Variants in ZNF273 observed in about 807,000 individuals in gnomAD.
ZNF273 encodes zinc finger protein 273.
ZNF273 carries 11 observed loss-of-function variants against 14.9 expected under a neutral mutation model. The ratio of observed to expected loss-of-function variants is 0.74; its 90% CI spans 0.46 to 1.22. ZNF273 has a LOEUF of 1.22. Ranked by LOEUF, ZNF273 falls within the 50% of genes most tolerant of loss-of-function variation. The pLI is 0.00. For synonymous variants in ZNF273, 199 were observed against 223.9 expected, an observed-to-expected ratio of 0.89 and a Z score of 0.99; for missense variants, 577 against 660.6, an observed-to-expected ratio of 0.87 and a Z score of 1.39.
At chr7:64,931,764 A>G (rs992391805), downstream of ZNF273, among the ~76,000 whole-genome samples, 4 of 152,160 alleles carry the variant, frequency 2.6e-5, no homozygotes, top group African/African-American at 4.8e-5. Context: ...CAGATGCTCC[A>G]TAGTAAGACA....
intron 3 of ZNF273, among the ~76,000 whole-genome samples, chr7:64,926,711 C>T (rs1313340622): frequency 2.6e-5 from 4 of 152,144 alleles, no homozygotes; most frequent in African/African-American, 9.7e-5. Flanking sequence ...ATCTTTATAA[C>T]GTATCTTTGT....
At chr7:64,898,786 CACA>C (rs1219752258), upstream of ZNF273, among the ~76,000 whole-genome samples, 2 of 152,148 alleles carry the variant, frequency 1.3e-5, no homozygotes, top group African/African-American at 2.4e-5. Context: ...GGAGGTGCAC[CACA>C]TTGCATGGAA....
At chr7:64,925,990 A>G (rs1320074861) in intron 3 of ZNF273, among the ~76,000 whole-genome samples, 1 of 152,102 alleles carries the variant, frequency 6.6e-6, no homozygotes, top group African/African-American at 2.4e-5. Context: ...GTTTTCTTGC[A>G]TCATGTTATT....
chr7:64,885,140 T>C (rs1791503193), intron 1 of ZNF273, among the ~76,000 whole-genome samples: 1 of 152,218 alleles, frequency 6.6e-6, no homozygotes, highest in Admixed American at 6.5e-5. Context: ...GTGTCGGCGT[T>C]GGACTCTTGC....
chr7:64,902,872 G>A (rs1792818329), upstream of ZNF273, among the ~76,000 whole-genome samples: 1 of 152,170 alleles, frequency 6.6e-6, no homozygotes, highest in Non-Finnish European at 1.5e-5. Context: ...TGAGCAGAGG[G>A]GTGACTTTGA....
intron 1 of ZNF273, among the ~76,000 whole-genome samples, chr7:64,909,835 G>T (rs1375174098): frequency 2.0e-5 from 3 of 150,222 alleles, no homozygotes; most frequent in Non-Finnish European, 3.0e-5. Context: ...TGCAAGCATC[G>T]TTTTTTTTTG....
chr7:64,888,785 T>C, exon 2 of ZNF273: 2 of 985,842 alleles, frequency 2.0e-6, no homozygotes, highest in South Asian at 9.4e-5. Flanking sequence ...GCCGACTCCA[T>C]GCTGCCGGGA....
chr7:64,901,666 A>G (rs1296954168), upstream of ZNF273, among the ~76,000 whole-genome samples: 1 of 152,120 alleles, frequency 6.6e-6, no homozygotes, highest in African/African-American at 2.4e-5. Context: ...TCCTCCTATG[A>G]TGTGTCTCTT....
downstream of ZNF273, among the ~76,000 whole-genome samples, chr7:64,931,511 TTA>T (rs1794992538): frequency 6.6e-6 from 1 of 152,196 alleles, no homozygotes; most frequent in Admixed American, 6.5e-5. Context: ...AATTTTACTA[TTA>T]GTCTATTAAG....
intron 1 of ZNF273, among the ~76,000 whole-genome samples, chr7:64,909,042 T>C (rs1055433319): frequency 2.0e-5 from 3 of 152,132 alleles, no homozygotes; most frequent in Non-Finnish European, 4.4e-5. Context: ...CCAAAGTAGC[T>C]GGGACTACAG....
chr7:64,910,966 G>C (rs1361020348), intron 1 of ZNF273, among the ~76,000 whole-genome samples: 2 of 151,408 alleles, frequency 1.3e-5, no homozygotes, highest in Non-Finnish European at 2.9e-5. Flanking sequence ...GGGTTTCGTC[G>C]TGTTGGCCAG....
At chr7:64,935,315 G>A (rs1302538088), downstream of ZNF273, among the ~76,000 whole-genome samples, 1 of 151,996 alleles carries the variant, frequency 6.6e-6, no homozygotes, top group Non-Finnish European at 1.5e-5. Flanking sequence ...AAGACTGATC[G>A]AAGTGGGCCT....
rs750737426 is a variant in ZNF273 at position 64,921,637 on chromosome 7, T to TTTTTTTTTTTTTTTG, written c.325+3345_325+3346insTTTTTTTTTTTTTTG. On this transcript the variant is annotated intron_variant, in intron 3 of 3. Transcript: ENST00000476120. The stretch of plus-strand genomic sequence containing the variant: ...TTTTTTTTTTTTTTTTTTTTTTTTT[T>TTTTTTTTTTTTTTTG]GTGTGTGAGACAGAGTCTTGCTCTC... Among the ~76,000 whole-genome samples, 17 of 29,578 alleles carry TTTTTTTTTTTTTTTG rather than the reference T, an allele frequency of 5.7e-4. 1 individual carries two copies. Among genetic ancestry groups the TTTTTTTTTTTTTTTG allele is most frequent in the African/African-American group, 2.6e-3 (17 of 6,418 alleles). 19.4% of individuals were successfully genotyped at this position (29,578 alleles called of 152,430 possible).
downstream of ZNF273, among the ~76,000 whole-genome samples, chr7:64,883,362 CGAAT>C (rs1205161219): frequency 6.6e-6 from 1 of 152,122 alleles, no homozygotes; most frequent in African/African-American, 2.4e-5. Flanking sequence ...GAATCCACCT[CGAAT>C]TCGGTTCCCA....
rs75383433 is a variant in ZNF273, at chr7:64,895,809, A to G, written n.489-1539A>G. The stretch of plus-strand genomic sequence containing the variant: ...CAAGAATTCTTAGGCTACTGAGAAA[A>G]CAGAGTCTGCTATTACCCAAGAAAT... On this transcript the variant is annotated intron_variant and non_coding_transcript_variant, in intron 3 of 7. Transcript: ENST00000527278. Among the ~76,000 whole-genome samples the G allele has an allele frequency of 9.2e-3, 1,400 of 152,324 alleles. 16 individuals carry two copies. The highest frequency in any genetic ancestry group is 0.032 in the African/African-American group (1,330 of 41,588).
chr7:64,886,999 G>A (rs1313097865), intron 1 of ZNF273, among the ~76,000 whole-genome samples: 1 of 152,142 alleles, frequency 6.6e-6, no homozygotes, highest in Non-Finnish European at 1.5e-5. Context: ...CATTTACCAG[G>A]CTGGGCACGA....
At chr7:64,932,834 A>G (rs1795020869), downstream of ZNF273, among the ~76,000 whole-genome samples, 1 of 152,148 alleles carries the variant, frequency 6.6e-6, no homozygotes, top group African/African-American at 2.4e-5. Flanking sequence ...AGGCAGGAGA[A>G]TCATTTGAAC....
intron 2 of ZNF273, among the ~76,000 whole-genome samples, chr7:64,917,948 C>T (rs1214084015): frequency 6.6e-6 from 1 of 152,082 alleles, no homozygotes; most frequent in Non-Finnish European, 1.5e-5. Flanking sequence ...AATTTAGTGG[C>T]ATAAAAGTTG....
Position 64,928,212 on chromosome 7 carries a change from G to A in ZNF273, c.884G>A (p.Cys295Tyr). The change falls in exon 4 of 4, where the codon TGT becomes TAT. Residue 295 changes from cysteine (C) to tyrosine (Y), a missense_variant. By Grantham distance (194) the Cys-to-Tyr change is radical. Around this residue, in one of 3 missense-constraint regions of ZNF273, gnomAD observed 411 missense variants for 440.4 expected, o/e 0.93. Coordinates refer to ENST00000476120, the MANE Select transcript of ZNF273 (RefSeq NM_021148.3). ...TEEKPYKCED[C>Y]GKVFSVFSVL... ...GAGAAACCTTACAAATGTGAAGATT[G>A]TGGCAAAGTCTTTAGTGTATTTTCA... 2 of 1,613,450 alleles carry A rather than the reference G, an allele frequency of 1.2e-6. No homozygotes were observed. Among genetic ancestry groups the A allele is most frequent in the Non-Finnish European group, 1.7e-6 (2 of 1,179,790 alleles).
Sources: allele counts gnomAD v4.1 joint callset (sites outside exome capture counted in the v4.1 genomes callset), GRCh38; gene constraint gnomAD v4.1.1; regional missense constraint gnomAD v4.1.1; transcripts MANE v1.5; gene names NCBI Gene and HGNC (gene_info 2026-07-23, HGNC 2026-07-21).